Variants in NAV1 observed in about 807,000 individuals in gnomAD.
The protein encoded by NAV1 is pore membrane and/or filament interacting like protein 3.
In NAV1, 18 loss-of-function variants were observed where a neutral mutation model predicts 175.2. The observed-to-expected ratio is 0.10, with a 90% confidence interval of 0.07 to 0.15. The LOEUF is 0.15. NAV1 is among the 10% of genes least tolerant of loss of function. The pLI is 1.00. For synonymous variants in NAV1, 897 were observed against 978.7 expected (o/e 0.92, Z 1.56); for missense variants, 1,731 against 2,436.6 (o/e 0.71, Z 6.10).
chr1:201,811,496 G>A (rs1307184688), intron 24 of NAV1, 107 bp from the exon 29 acceptor site: 9 of 1,354,164 alleles, frequency 6.6e-6, no homozygotes, highest in Non-Finnish European at 9.3e-6. Context: ...GGAACTAAAG[G>A]CCCCAGGGGA....
intron 3 of NAV1, among the ~76,000 whole-genome samples, chr1:201,756,812 CTTTCTTTCTTTCTTTCTTTCTTTCTTT>C (rs1674503037): frequency 1.3e-4 from 1 of 7,498 alleles, no homozygotes; most frequent in Non-Finnish European, 2.7e-4. Flanking sequence ...TTCTTTCCTT[CTTTCTTTCTTTCTTTCTTTCTTTCTTT>C]CTTTCTTTCT....
chr1:201,789,659 A>T, intron 10 of NAV1, 81 bp from the exon 15 acceptor site: 1 of 1,309,148 alleles, frequency 7.6e-7, no homozygotes, highest in Non-Finnish European at 1.1e-6. Context: ...CACAATCCAA[A>T]CTCCTGCCTT....
chr1:201,697,995 G>A (rs1443097317), intron 1 of NAV1, among the ~76,000 whole-genome samples: 1 of 152,124 alleles, frequency 6.6e-6, no homozygotes, highest in Non-Finnish European at 1.5e-5. Context: ...AAGGTCACAG[G>A]GCATTGAATA....
intron 2 of NAV1, among the ~76,000 whole-genome samples, chr1:201,602,765 C>T (rs1395373423): frequency 2.7e-5 from 4 of 150,802 alleles, no homozygotes; most frequent in Non-Finnish European, 1.5e-5. Flanking sequence ...CTGGGGCATG[C>T]TCCAGGGGGA....
exon 1 of NAV1, chr1:201,649,057 G>A: frequency 6.2e-7 from 1 of 1,613,456 alleles, no homozygotes; most frequent in Non-Finnish European, 8.5e-7. Context: ...TCCAAGGGCC[G>A]TGAAGCTCCG....
At chr1:201,771,877 A>G (rs1203771723) in intron 3 of NAV1, among the ~76,000 whole-genome samples, 1 of 152,234 alleles carries the variant, frequency 6.6e-6, no homozygotes, top group East Asian at 1.9e-4. Flanking sequence ...CAGAGTACTG[A>G]AAGTTCTAAA....
chr1:201,628,871 G>A (rs1453503381), intron 1 of NAV1, among the ~76,000 whole-genome samples: 1 of 152,172 alleles, frequency 6.6e-6, no homozygotes, highest in Non-Finnish European at 1.5e-5. Flanking sequence ...GGGAGTCACT[G>A]TGATTGCAGC....
At chr1:201,629,669 C>A in intron 2 of NAV1, 162 bp downstream of exon 4, 1 of 401,360 alleles carries the variant, frequency 2.5e-6, no homozygotes, top group East Asian at 9.4e-5. Flanking sequence ...TTGACTCAAC[C>A]CAGGGTTGGT....
intron 1 of NAV1, among the ~76,000 whole-genome samples, chr1:201,625,992 A>C (rs571083159): frequency 2.6e-5 from 4 of 152,216 alleles, no homozygotes; most frequent in East Asian, 3.9e-4. Context: ...CAGTCTCTGG[A>C]TTAGGGTTGG....
chr1:201,824,173 T>C (rs1458920357), exon 30 of NAV1: 1 of 152,218 alleles, frequency 6.6e-6, no homozygotes, highest in Non-Finnish European at 1.5e-5. Context: ...TCATACTTTA[T>C]TTTTGCTTTC....
chr1:201,707,070 C>A (rs1160075295), intron 1 of NAV1, among the ~76,000 whole-genome samples: 2 of 152,316 alleles, frequency 1.3e-5, no homozygotes, highest in East Asian at 3.9e-4. Context: ...TATTGCCTCA[C>A]AGCAGTGAGA....
intron 2 of NAV1, among the ~76,000 whole-genome samples, chr1:201,641,060 C>A (rs140981322): frequency 2.0e-5 from 3 of 152,244 alleles, no homozygotes; most frequent in African/African-American, 7.2e-5. Context: ...CAAGCGGGGC[C>A]GGGGAGAAGA....
intron 2 of NAV1, among the ~76,000 whole-genome samples, chr1:201,642,241 C>G (rs1288071367): frequency 2.1e-5 from 3 of 145,652 alleles, no homozygotes; most frequent in Non-Finnish European, 3.0e-5. Context: ...TTCTCGGAGT[C>G]TTGGTCTGTC....
chr1:201,623,317 A>G lies in NAV1; in HGVS notation c.-390A>G, dbSNP rs1283119206. On this transcript the variant is annotated 5_prime_UTR_variant, in exon 1 of 30. Transcript: ENST00000367302. ...GACTCCAGTCTGCCAGACCCGGGGC[A>G]GAAGCCCTTCTCGGACGAGCTTTCA... The G allele has an allele frequency of 3.0e-6, 3 of 985,950 alleles. No homozygotes were observed. The East Asian group carries it at 3.4e-4, about 112-fold the overall frequency. The allele number at this position is 985,950 out of a possible 1,614,324, so 61.1% of individuals were successfully genotyped here. A position where few individuals can be genotyped will look rare whatever the true frequency, so the allele number is the denominator to read the frequency against.
intron 2 of NAV1, among the ~76,000 whole-genome samples, chr1:201,713,532 C>G (rs12404359): frequency 1.3e-5 from 2 of 152,102 alleles, no homozygotes; most frequent in African/African-American, 4.8e-5. Context: ...AGCCTTCCCA[C>G]GGCACCTCTC....
At chr1:201,606,491 T>A (rs1046505051) in intron 2 of NAV1, among the ~76,000 whole-genome samples, 2 of 152,234 alleles carry the variant, frequency 1.3e-5, no homozygotes, top group Non-Finnish European at 2.9e-5. Context: ...ATCCTGTCCA[T>A]GCACCTGGCC....
At chr1:201,658,010 G>A (rs188239283) in intron 1 of NAV1, among the ~76,000 whole-genome samples, 94 of 152,250 alleles carry the variant, frequency 6.2e-4, no homozygotes, top group Non-Finnish European at 1.1e-3. Context: ...TCCAGCCTGG[G>A]TAATAGATCA....
Position 201,810,484 on chromosome 1 carries a change from C to T in NAV1, c.4562-39C>T, listed in dbSNP as rs1215230686. 2 of 1,560,338 alleles carry T rather than the reference C, an allele frequency of 1.3e-6. No homozygotes were observed. The highest frequency in any genetic ancestry group is 1.4e-5 in the African/African-American group (1 of 73,658). On this transcript the variant is annotated intron_variant, in intron 23 of 29. Transcript: ENST00000367296. This position sits in a 1 kb window ranked among gnomAD's most constrained non-coding sequence, Gnocchi z 6.0. ...TTAGGATCCCTTGCTATCCTCAAGACCCTGGTCAATACTCATGCTTTCTGG... is the reference window on the plus strand; with the variant it reads ...TTAGGATCCCTTGCTATCCTCAAGATCCTGGTCAATACTCATGCTTTCTGG...
exon 23 of NAV1, chr1:201,809,982 G>C: frequency 6.2e-7 from 1 of 1,613,664 alleles, no homozygotes; most frequent in South Asian, 1.1e-5. Flanking sequence ...CTCTACCCTG[G>C]GACTAAGCAC....
Sources: allele counts gnomAD v4.1 joint callset (sites outside exome capture counted in the v4.1 genomes callset), GRCh38; gene constraint gnomAD v4.1.1; non-coding constraint Gnocchi (gnomAD v3.1); transcripts MANE v1.5; gene names NCBI Gene and HGNC (gene_info 2026-07-23, HGNC 2026-07-21).